The following ABCA4 variants were observed in gnomAD, a reference collection of about 807,000 sequenced individuals.
The protein encoded by ABCA4 is ATP binding cassette subfamily A member 4.
A neutral mutation model predicts 263.7 loss-of-function variants in ABCA4; 196 were observed. The ratio of observed to expected loss-of-function variants is 0.74; its 90% CI spans 0.66 to 0.84. The LOEUF (loss-of-function observed/expected upper bound fraction) is 0.84, where lower values mean the gene tolerates loss of function less well. ABCA4 is among the 40% of genes least tolerant of loss of function. ABCA4 has a pLI of 0.00. For missense variants in ABCA4, 2,792 were observed against 2,855.1 expected (o/e 0.98, Z 0.50); for synonymous variants, 1,133 against 1,094.2 (o/e 1.04, Z -0.70).
chr1:94,120,902 C>G (rs920450702), intron 1 of ABCA4, 78 bp downstream of exon 1: 4 of 741,572 alleles, frequency 5.4e-6, no homozygotes, highest in South Asian at 4.3e-5. Context: ...ACCACCCTAC[C>G]CCACCACCCC....
chr1:94,115,984 C>T (rs3789444), intron 1 of ABCA4, among the ~76,000 whole-genome samples: 31,879 of 152,072 alleles, frequency 0.21, 3,417 homozygotes, highest in Middle Eastern at 0.23. Flanking sequence ...GCCAGCTTGG[C>T]CTGCCTGTTC....
In ABCA4 at chr1:94,021,924, C is replaced by A. The variant is rs1659913604; in HGVS notation, c.4695G>T (p.Lys1565Asn). ...QRYGGISIGG[K>N]LPVVPITGEA... The stretch of plus-strand genomic sequence containing the variant: ...CCCCCGTGATGGGGACGACTGGGAG[C>A]TTTCCTCCAATGGAAATTCCTCCAT... Residue 1565 changes from lysine to asparagine, a missense_variant, in exon 33 of 50, where the codon AAG (lysine) becomes AAT (asparagine). Transcript: ENST00000370225. 1 of 1,614,076 alleles carries A rather than the reference C, an allele frequency of 6.2e-7. No homozygotes were observed. The highest frequency in any genetic ancestry group is 1.3e-5 in the African/African-American group (1 of 74,934).
intron 5 of ABCA4, among the ~76,000 whole-genome samples, chr1:94,100,318 C>T (rs1180904654): frequency 2.6e-5 from 4 of 152,330 alleles, no homozygotes; most frequent in East Asian, 1.9e-4. Flanking sequence ...ATGTGTCAGG[C>T]GCCCTTCCAA....
At chr1:94,035,492 G>A (rs907505767) in intron 26 of ABCA4, among the ~76,000 whole-genome samples, 2 of 152,164 alleles carry the variant, frequency 1.3e-5, no homozygotes, top group Admixed American at 6.5e-5. Flanking sequence ...TGTGTCCATT[G>A]GTAGTTCTAG....
chr1:94,100,412 G>A (rs1032336148), intron 5 of ABCA4, among the ~76,000 whole-genome samples: 5 of 152,202 alleles, frequency 3.3e-5, no homozygotes, highest in Non-Finnish European at 5.9e-5. Context: ...ATGAGGAAAC[G>A]AGAGGCACAG....
rs55896821 is a variant in ABCA4 at position 94,040,155 on chromosome 1, A to G, written c.3523-28T>C. 5.2e-3 allele frequency: 8,067 copies of G among 1,554,776 alleles called. 27 individuals are homozygous for G. The highest frequency in any genetic ancestry group is 6.0e-3 in the Non-Finnish European group (6,809 of 1,134,612). The stretch of plus-strand genomic sequence containing the variant: ...GCAACAGATGGATGGGATGACTGAC[A>G]AGATGCACATCCCTTCCATGACAGC... On this transcript the variant is annotated intron_variant, in intron 23 of 49. Transcript: ENST00000370225.
At chr1:94,086,613 C>T (rs1661833424) in intron 6 of ABCA4, among the ~76,000 whole-genome samples, 1 of 152,056 alleles carries the variant, frequency 6.6e-6, no homozygotes, top group South Asian at 2.1e-4. Context: ...AAAACTGTCT[C>T]TGCAAACTTC....
At position 94,098,812 on chromosome 1, in the gene ABCA4, GA is replaced by G; in HGVS notation, c.749del (p.Phe250SerfsTer12). The G allele has an allele frequency of 6.2e-7, 1 of 1,614,204 alleles. No individual in the cohort carries two copies. Among genetic ancestry groups the G allele is most frequent in the South Asian group, 1.1e-5 (1 of 91,084 alleles). On this transcript the variant is annotated frameshift_variant, in exon 6 of 50. Coordinates refer to ENST00000370225, the MANE Select transcript of ABCA4 (RefSeq NM_000350.3). LOFTEE classifies it high-confidence loss of function. ...IEDTLYANVD[F>X]FKLFRVLPTL... ...CCCTTACCACACGGAAGAGCTTGAA[GA>G]AGTCCACGTTGGCATACAGAGTGTC... is the stretch of plus-strand genomic sequence containing the variant.
At chr1:94,058,332 A>G (rs541571114) in intron 14 of ABCA4, among the ~76,000 whole-genome samples, 46 of 152,282 alleles carry the variant, frequency 3.0e-4, no homozygotes, top group African/African-American at 1.1e-3. Context: ...TAGTTGTTGC[A>G]GTTCTCAGAA....
intron 16 of ABCA4, among the ~76,000 whole-genome samples, chr1:94,052,452 G>C (rs957239226): frequency 1.3e-5 from 2 of 152,072 alleles, no homozygotes. Flanking sequence ...TATTCCTCGG[G>C]GCAGGTCTGG....
At chr1:94,040,186 C>T in intron 23 of ABCA4, 59 bp from the exon 24 acceptor site, 2 of 1,387,480 alleles carry the variant, frequency 1.4e-6, no homozygotes. Context: ...ACAGCCTCTC[C>T]CTGATGCCAG....
intron 6 of ABCA4, among the ~76,000 whole-genome samples, chr1:94,090,596 G>C (rs1349763590): frequency 3.3e-5 from 5 of 151,956 alleles, no homozygotes. Context: ...CCTTCCCTAG[G>C]GATTAGGTGC....
intron 1 of ABCA4, among the ~76,000 whole-genome samples, chr1:94,113,817 G>A (rs1662674027): frequency 6.6e-6 from 1 of 152,236 alleles, no homozygotes; most frequent in Admixed American, 6.5e-5. Context: ...TTAACATATG[G>A]TTGAAAGTTG....
At chr1:94,090,787 C>T (rs938873042) in intron 6 of ABCA4, among the ~76,000 whole-genome samples, 4 of 152,118 alleles carry the variant, frequency 2.6e-5, no homozygotes, top group African/African-American at 7.2e-5. Flanking sequence ...CTCAATAATA[C>T]GTGTTGTGGT....
chr1:94,086,637 C>G (rs1200121446), intron 6 of ABCA4, among the ~76,000 whole-genome samples: 2 of 152,080 alleles, frequency 1.3e-5, no homozygotes, highest in Non-Finnish European at 2.9e-5. Context: ...ACATCTCTAC[C>G]CAAGGATAAT....
chr1:94,051,838 A>G (rs1278945231), intron 16 of ABCA4, 140 bp from the exon 17 acceptor site: 1 of 711,090 alleles, frequency 1.4e-6, no homozygotes, highest in African/African-American at 1.8e-5. Context: ...TTACATGGCT[A>G]TTCTCAGGCT....
At chr1:94,018,104 C>A (rs1659786867) in intron 36 of ABCA4, among the ~76,000 whole-genome samples, 1 of 152,212 alleles carries the variant, frequency 6.6e-6, no homozygotes, top group Non-Finnish European at 1.5e-5. Flanking sequence ...ATTGGACTGC[C>A]AGCTAGTATC....
At chr1:94,098,738 C>G (rs1251087349) in intron 6 of ABCA4, 56 bp downstream of exon 6, 2 of 1,593,318 alleles carry the variant, frequency 1.3e-6, no homozygotes, top group African/African-American at 2.7e-5. Context: ...ATTCGTGAGG[C>G]TCTGCTACCC....
At position 94,121,059 on chromosome 1, in the gene ABCA4, C is replaced by T. The variant is rs780350363; in HGVS notation, c.-14G>A. ...CACGAAGCCCATGCTAATGACCACACGAAGACCAGATTGGTCAGAGCTGAG... is the reference window on the plus strand; with the variant it reads ...CACGAAGCCCATGCTAATGACCACATGAAGACCAGATTGGTCAGAGCTGAG... On this transcript the variant is annotated 5_prime_UTR_variant, in exon 1 of 50. In the 5' UTR this introduces an upstream ATG that the reference lacks. Transcript: ENST00000370225. The T allele has an allele frequency of 1.2e-5, 20 of 1,614,096 alleles. No individual in the cohort carries two copies. Among genetic ancestry groups the T allele is most frequent in the Non-Finnish European group, 1.7e-5 (20 of 1,179,958 alleles).
Sources: allele counts gnomAD v4.1 joint callset (sites outside exome capture counted in the v4.1 genomes callset), GRCh38; gene constraint gnomAD v4.1.1; transcripts MANE v1.5; gene names NCBI Gene and HGNC (gene_info 2026-07-23, HGNC 2026-07-21).